SAV1: variants seen among roughly 807,000 people sequenced by gnomAD.
SAV1 encodes salvador family WW domain containing protein 1.
A neutral mutation model predicts 47.3 loss-of-function variants in SAV1; 23 were observed. That is an observed-to-expected ratio of 0.49 (90% CI 0.35 to 0.69). The LOEUF (loss-of-function observed/expected upper bound fraction) is 0.69. Ranked by LOEUF, SAV1 falls within the 30% of genes least tolerant of loss-of-function variation. The pLI, the probability that SAV1 is intolerant of heterozygous loss-of-function variation, is 0.01. For missense variants in SAV1, 448 were observed against 457.4 expected (o/e 0.98, Z 0.19); for synonymous variants, 155 against 159.2 (o/e 0.97, Z 0.20).
In SAV1 at chr14:50,668,186, C is replaced by T; in HGVS notation, c.-219G>A. 1 of 275,814 alleles carries T rather than the reference C, an allele frequency of 3.6e-6. No homozygotes were observed. Among genetic ancestry groups the T allele is most frequent in the Non-Finnish European group, 6.7e-6 (1 of 149,382 alleles). The allele number at this position is 275,814 out of a possible 1,614,324, so 17.1% of individuals were successfully genotyped here. A position where few individuals can be genotyped will look rare whatever the true frequency, so the allele number is the denominator to read the frequency against. ...GCCGCCGCTCAGTCGCTGGTCAGTT[C>T]CTTCCCGGAAGTCGGCCCGCTCTGC... On this transcript the variant is annotated 5_prime_UTR_variant, in exon 1 of 5. Coordinates refer to ENST00000324679, the MANE Select transcript of SAV1 (RefSeq NM_021818.4).
chr14:50,657,875 A>C (rs1027629063), intron 2 of SAV1, among the ~76,000 whole-genome samples: 3 of 152,236 alleles, frequency 2.0e-5, no homozygotes, highest in Non-Finnish European at 2.9e-5. Context: ...GTGCCAAAAA[A>C]CTTAATCTCA....
At chr14:50,659,112 T>G (rs2140262327) in intron 2 of SAV1, among the ~76,000 whole-genome samples, 1 of 151,488 alleles carries the variant, frequency 6.6e-6, no homozygotes, top group East Asian at 1.9e-4. Flanking sequence ...AGAGATACCT[T>G]ATTACCTGAG....
chr14:50,666,281 C>G (rs1427275984), intron 1 of SAV1, among the ~76,000 whole-genome samples: 1 of 152,108 alleles, frequency 6.6e-6, no homozygotes, highest in Non-Finnish European at 1.5e-5. Context: ...AAAAACCAAG[C>G]CTGAAACTAT....
rs1333243759 is a variant in SAV1 at position 50,668,165 on chromosome 14, C to A, written c.-198G>T. On this transcript the variant is annotated 5_prime_UTR_variant, in exon 1 of 5. Transcript: ENST00000324679. ...TTCAGGGCGCTAAGCGCGCCGGCCG[C>A]CGCTCAGTCGCTGGTCAGTTCCTTC... The A allele has an allele frequency of 6.6e-6, 2 of 302,912 alleles. No homozygotes were observed. The highest frequency in any genetic ancestry group is 1.2e-5 in the Non-Finnish European group (2 of 167,928). 18.8% of individuals were successfully genotyped at this position (302,912 alleles called of 1,614,324 possible). A position where few individuals can be genotyped will look rare whatever the true frequency, so the allele number is the denominator to read the frequency against.
At chr14:50,640,640 G>A (rs189815330) in intron 4 of SAV1, 110 bp downstream of exon 4, 405 of 896,572 alleles carry the variant, frequency 4.5e-4, no homozygotes, top group Middle Eastern at 3.8e-3. Context: ...CTTAGAAGCC[G>A]AATATTATTA....
chr14:50,659,002 C>T (rs1268258430), intron 2 of SAV1, among the ~76,000 whole-genome samples: 2 of 151,902 alleles, frequency 1.3e-5, no homozygotes, highest in Non-Finnish European at 2.9e-5. Flanking sequence ...ATCTATATTG[C>T]CCTGATAAAA....
At chr14:50,655,405 T>C (rs2140259367) in intron 2 of SAV1, among the ~76,000 whole-genome samples, 1 of 147,980 alleles carries the variant, frequency 6.8e-6, no homozygotes, top group East Asian at 2.0e-4. Flanking sequence ...TTCTAAATAC[T>C]GCATTATTAA....
At chr14:50,648,612 T>C (rs1195525287) in intron 2 of SAV1, among the ~76,000 whole-genome samples, 1 of 151,996 alleles carries the variant, frequency 6.6e-6, no homozygotes, top group Non-Finnish European at 1.5e-5. Context: ...ACCCCATCTC[T>C]ACTAAAAATA....
chr14:50,648,094 A>C (rs1267400983), intron 2 of SAV1, among the ~76,000 whole-genome samples: 3 of 152,220 alleles, frequency 2.0e-5, no homozygotes, highest in African/African-American at 7.2e-5. Flanking sequence ...TGTACAGTGA[A>C]ATCTACTCAG....
intron 4 of SAV1, among the ~76,000 whole-genome samples, chr14:50,639,568 C>G (rs1356654507): frequency 6.6e-6 from 1 of 152,252 alleles, no homozygotes; most frequent in East Asian, 1.9e-4. Context: ...GAATTACAAC[C>G]TATTTGCTAG....
Position 50,634,969 on chromosome 14 carries a change from T to A in SAV1, c.*214A>T. ...CAAAACAGTTTCCTAATATACAGTA[T>A]TTGAAAGTGTTTGCCATATTGGCTC... On this transcript the variant is annotated 3_prime_UTR_variant, in exon 5 of 5. Coordinates refer to ENST00000324679, the MANE Select transcript of SAV1 (RefSeq NM_021818.4). 1 of 540,968 alleles carries A rather than the reference T, an allele frequency of 1.8e-6. No homozygotes were observed. Among genetic ancestry groups the A allele is most frequent in the South Asian group, 2.2e-5 (1 of 44,786 alleles). 33.5% of individuals were successfully genotyped at this position (540,968 alleles called of 1,614,324 possible).
At chr14:50,642,414 G>A (rs2140250101) in intron 3 of SAV1, among the ~76,000 whole-genome samples, 1 of 151,802 alleles carries the variant, frequency 6.6e-6, no homozygotes, top group East Asian at 1.9e-4. Context: ...GCTTGAACCT[G>A]GGAGGCGAAG....
intron 2 of SAV1, among the ~76,000 whole-genome samples, 198 bp from the exon 3 acceptor site, chr14:50,645,212 A>T (rs1427115010): frequency 6.6e-6 from 1 of 152,180 alleles, no homozygotes; most frequent in Non-Finnish European, 1.5e-5. Context: ...GAGGAACTAG[A>T]CTTTGAAATT....
intron 4 of SAV1, chr14:50,637,673 T>TTTTTGTTTTTG (rs1566739503): frequency 7.4e-6 from 1 of 135,312 alleles, no homozygotes; most frequent in African/African-American, 2.8e-5. Flanking sequence ...AGTTTTTTTT[T>TTTTTGTTTTTG]TTTTTTTTTT....
intron 2 of SAV1, among the ~76,000 whole-genome samples, chr14:50,661,432 G>T (rs899177111): frequency 2.0e-5 from 3 of 152,148 alleles, no homozygotes; most frequent in Non-Finnish European, 2.9e-5. Flanking sequence ...TTACTGTGCA[G>T]ACGCCTTTTG....
rs113877434 is a variant in SAV1 at position 50,652,986 on chromosome 14, G to A, written c.536-7972C>T. Reference sequence around the variant, plus strand: ...GTGGAGGTTGCAATGAGCCAAGATTGTGCCACTGCACTCCAGCCTGGGTGA... The same window carrying A: ...GTGGAGGTTGCAATGAGCCAAGATTATGCCACTGCACTCCAGCCTGGGTGA... On this transcript the variant is annotated intron_variant, in intron 2 of 4. Coordinates refer to ENST00000324679, the MANE Select transcript of SAV1 (RefSeq NM_021818.4). 2.0e-5 allele frequency among the ~76,000 whole-genome samples: 3 copies of A among 152,078 alleles called. 1 individual carries two copies. Among genetic ancestry groups the A allele is most frequent in the African/African-American group, 7.2e-5 (3 of 41,488 alleles).
chr14:50,655,210 A>T (rs1282307587), intron 2 of SAV1, among the ~76,000 whole-genome samples: 1 of 152,200 alleles, frequency 6.6e-6, no homozygotes, highest in Non-Finnish European at 1.5e-5. Context: ...GTAGAAACAC[A>T]AAATTACTTT....
chr14:50,658,642 A>C (rs1048473042), intron 2 of SAV1, among the ~76,000 whole-genome samples: 1 of 152,238 alleles, frequency 6.6e-6, no homozygotes, highest in Non-Finnish European at 1.5e-5. Context: ...AAGTCATTAC[A>C]AAACAAATTT....
chr14:50,656,193 T>C (rs1195566695), intron 2 of SAV1, among the ~76,000 whole-genome samples: 2 of 152,164 alleles, frequency 1.3e-5, no homozygotes, highest in African/African-American at 2.4e-5. Flanking sequence ...CAACATTAGG[T>C]ACCAAAAGCC....
Sources: allele counts gnomAD v4.1 joint callset (sites outside exome capture counted in the v4.1 genomes callset), GRCh38; gene constraint gnomAD v4.1.1; transcripts MANE v1.5; gene names NCBI Gene and HGNC (gene_info 2026-07-23, HGNC 2026-07-21).